The following SHPRH variants were observed in gnomAD, a reference collection of about 807,000 sequenced individuals.
SHPRH encodes SNF2 histone linker PHD RING helicase.
SHPRH carries 106 observed loss-of-function variants against 202.5 expected under a neutral mutation model. The ratio of observed to expected loss-of-function variants is 0.52; its 90% CI spans 0.45 to 0.62. The LOEUF (loss-of-function observed/expected upper bound fraction) is 0.62, where lower values mean the gene tolerates loss of function less well. Among genes scored for constraint, SHPRH ranks in the 20% least tolerant of loss-of-function variants. The pLI, the probability that SHPRH is intolerant of heterozygous loss-of-function variation, is 0.00. For missense variants in SHPRH, 1,710 were observed against 2,020.0 expected (o/e 0.85, Z 2.94); for synonymous variants, 729 against 686.0 (o/e 1.06, Z -0.98).
intron 16 of SHPRH, 48 bp from the exon 17 acceptor site, chr6:145,924,894 A>C (rs766987207): frequency 1.4e-6 from 2 of 1,452,348 alleles, no homozygotes; most frequent in South Asian, 2.3e-5. Context: ...TCTAGAATAT[A>C]ATTCAGTATG....
In SHPRH at chr6:145,935,160, G is replaced by T; in HGVS notation, c.2737C>A (p.Gln913Lys). 3 of 1,612,058 alleles carry T rather than the reference G, an allele frequency of 1.9e-6. No homozygotes were observed. Among genetic ancestry groups the T allele is most frequent in the South Asian group, 1.1e-5 (1 of 90,802 alleles). The change falls in exon 13 of 30, where the codon CAA becomes AAA. Residue 913 changes from glutamine (Q) to lysine (K), a missense_variant. Physicochemically the swap from Gln to Lys is moderately conservative, Grantham distance 53 (BLOSUM62 1). Transcript: ENST00000275233. The part of the protein sequence containing the change: ...SAKKDVIDQI[Q>K]IPPQTEEIHW... ...ATTTCTTCGGTTTGTGGTGGTATTT[G>T]GATCTGTGAAAAGGAGCAGAAAAAA... is the stretch of plus-strand genomic sequence containing the variant.
chr6:145,890,455 G>GTC (rs1266459067), intron 28 of SHPRH, among the ~76,000 whole-genome samples: 1 of 152,082 alleles, frequency 6.6e-6, no homozygotes, highest in Non-Finnish European at 1.5e-5. Context: ...CTTGAAACAG[G>GTC]TGACCATAAC....
At chr6:145,925,401 T>C (rs1410269543) in intron 16 of SHPRH, among the ~76,000 whole-genome samples, 4 of 149,766 alleles carry the variant, frequency 2.7e-5, no homozygotes, top group African/African-American at 9.8e-5. Context: ...AGGTAATTGA[T>C]TTAGTTTGAT....
chr6:145,932,964 T>TA, intron 14 of SHPRH, 93 bp downstream of exon 14: 2 of 1,150,360 alleles, frequency 1.7e-6, no homozygotes, highest in East Asian at 2.8e-5. Context: ...GGGGGAAAAA[T>TA]CCCCCCCCCA....
chr6:145,922,942 GC>G, intron 18 of SHPRH, 106 bp from the exon 19 acceptor site: 3 of 1,198,852 alleles, frequency 2.5e-6, no homozygotes, highest in Non-Finnish European at 3.2e-6. Flanking sequence ...GAAACTGTTT[GC>G]TGTTTTTTTT....
At chr6:145,882,794 G>A (rs1419757905), downstream of SHPRH, among the ~76,000 whole-genome samples, 4 of 152,278 alleles carry the variant, frequency 2.6e-5, no homozygotes, top group African/African-American at 7.2e-5. Flanking sequence ...AGTCTTGGCA[G>A]AAAATGACCA....
At chr6:145,864,772 G>A (rs1249654955) in intron 2 of SHPRH, among the ~76,000 whole-genome samples, 1 of 152,004 alleles carries the variant, frequency 6.6e-6, no homozygotes, top group South Asian at 2.1e-4. Context: ...TGATGCCCTA[G>A]ATTCTGTGAC....
intron 1 of SHPRH, among the ~76,000 whole-genome samples, chr6:145,958,866 C>T (rs1281056619): frequency 6.6e-6 from 1 of 152,128 alleles, no homozygotes; most frequent in African/African-American, 2.4e-5. Context: ...TAGAGACTCA[C>T]TCTGTTGCCC....
chr6:145,883,346 T>C (rs1463888292), downstream of SHPRH: 2 of 152,208 alleles, frequency 1.3e-5, no homozygotes, highest in East Asian at 3.9e-4. Flanking sequence ...AGATGAGCTA[T>C]ACATGCCCCT....
At chr6:145,876,698 G>A (rs1780320575) in intron 2 of SHPRH, 1 of 152,180 alleles carries the variant, frequency 6.6e-6, no homozygotes, top group South Asian at 2.1e-4. Context: ...AGGCTGAACT[G>A]TGGCTCCACC....
chr6:145,893,853 C>G (rs1217052719), intron 27 of SHPRH, among the ~76,000 whole-genome samples: 1 of 151,768 alleles, frequency 6.6e-6, no homozygotes, highest in Non-Finnish European at 1.5e-5. Context: ...AGAAACTAAT[C>G]CTTGGGGTGT....
intron 28 of SHPRH, among the ~76,000 whole-genome samples, chr6:145,889,017 AGTTTT>A (rs1781356464): frequency 6.6e-6 from 1 of 152,120 alleles, no homozygotes; most frequent in Non-Finnish European, 1.5e-5. Context: ...GAAGCAACAC[AGTTTT>A]GTTTTGTCCA....
chr6:145,899,407 C>CA (rs1464189550), intron 25 of SHPRH, among the ~76,000 whole-genome samples: 6 of 152,100 alleles, frequency 3.9e-5, no homozygotes, highest in African/African-American at 1.4e-4. Flanking sequence ...GTCAACCAAT[C>CA]TTTAACAAAG....
intron 11 of SHPRH, among the ~76,000 whole-genome samples, chr6:145,937,581 C>A (rs1185809978): frequency 6.6e-6 from 1 of 152,114 alleles, no homozygotes; most frequent in Non-Finnish European, 1.5e-5. Flanking sequence ...CAAAATGACC[C>A]CCAACCACTG....
Position 145,926,201 on chromosome 6 carries a change from T to C in SHPRH, c.3294+3A>G, listed in dbSNP as rs1407533814. On this transcript the variant is annotated splice_donor_region_variant and intron_variant, in intron 16 of 29. Coordinates refer to ENST00000275233, the MANE Select transcript of SHPRH (RefSeq NM_001042683.3). ...TTATAGACAGAATGAAAAAAATAAT[T>C]ACCTCTTCCTCAAGTCGGCCATCAC... 1.2e-6 allele frequency: 2 copies of C among 1,612,040 alleles called. No homozygotes were observed. The highest frequency in any genetic ancestry group is 1.3e-5 in the African/African-American group (1 of 74,938).
intron 28 of SHPRH, among the ~76,000 whole-genome samples, chr6:145,890,933 G>A (rs1562287637): frequency 6.6e-6 from 1 of 152,042 alleles, no homozygotes; most frequent in African/African-American, 2.4e-5. Context: ...TCCTCATCAT[G>A]TGCACTGCTA....
intron 7 of SHPRH, 100 bp from the exon 8 acceptor site, chr6:145,945,737 GAAAT>G (rs1787302762): frequency 4.0e-6 from 5 of 1,245,166 alleles, no homozygotes; most frequent in Non-Finnish European, 5.3e-6. Context: ...AGTTAAGAAA[GAAAT>G]AAATCAAAGA....
At chr6:145,923,949 C>T (rs1432056455) in intron 17 of SHPRH, among the ~76,000 whole-genome samples, 164 bp from the exon 18 acceptor site, 1 of 151,894 alleles carries the variant, frequency 6.6e-6, no homozygotes, top group African/African-American at 2.4e-5. Context: ...ATGTACAATG[C>T]TCGCTTCCTC....
downstream of SHPRH, among the ~76,000 whole-genome samples, chr6:145,863,985 C>T (rs574712664): frequency 1.7e-4 from 26 of 152,192 alleles, no homozygotes; most frequent in African/African-American, 6.3e-4. Context: ...ATTATTTATC[C>T]ACATAAGTAA....
Sources: gnomAD v4.1 joint callset for allele counts (sites outside exome capture counted in the v4.1 genomes callset) on GRCh38, gnomAD v4.1.1 for gene constraint, MANE v1.5 for transcripts, NCBI Gene and HGNC (gene_info 2026-07-23, HGNC 2026-07-21) for gene names.